The following NDUFAF6 variants were observed in gnomAD, a reference collection of about 807,000 sequenced individuals.
NDUFAF6 encodes the protein NADH:ubiquinone oxidoreductase complex assembly factor 6.
Under a neutral mutation model 40.8 loss-of-function variants are expected in NDUFAF6, and 45 were observed. That is an observed-to-expected ratio of 1.10 (90% CI 0.87 to 1.42). The LOEUF is 1.42. Among genes scored for constraint, NDUFAF6 ranks in the 40% most tolerant of loss-of-function variants. The probability of loss-of-function intolerance (pLI) is 0.00; values close to 1 mark genes in which losing one functional copy is unlikely to be tolerated. For synonymous variants in NDUFAF6, 185 were observed against 155.9 expected, an observed-to-expected ratio of 1.19 and a Z score of -1.39; for missense variants, 435 against 418.5, an observed-to-expected ratio of 1.04 and a Z score of -0.34.
At chr8:95,087,083 A>T (rs117463993) in intron 2 of NDUFAF6, among the ~76,000 whole-genome samples, 115,604 of 150,182 alleles carry the variant, frequency 0.77, 44,663 homozygotes, top group East Asian at 0.87. Flanking sequence ...TTTTTTTTAA[A>T]AAATTCTGCA....
intron 1 of NDUFAF6, chr8:94,974,842 A>G (rs1824789408): frequency 6.5e-6 from 1 of 154,140 alleles, no homozygotes; most frequent in African/African-American, 2.4e-5. Context: ...CAGGAAGTAC[A>G]TAGCCTGCCA....
chr8:95,100,851 A>G (rs1809627144), intron 1 of NDUFAF6, among the ~76,000 whole-genome samples: 2 of 152,182 alleles, frequency 1.3e-5, no homozygotes, highest in East Asian at 3.8e-4. Context: ...GGACAAACCA[A>G]AGCTCAGCAA....
upstream of NDUFAF6, among the ~76,000 whole-genome samples, chr8:95,097,254 G>A (rs1809496041): frequency 6.6e-6 from 1 of 152,224 alleles, no homozygotes; most frequent in African/African-American, 2.4e-5. Context: ...CAAATGAAAT[G>A]AGACTAAGAA....
At chr8:95,083,286 C>T (rs1808938091) in intron 2 of NDUFAF6, among the ~76,000 whole-genome samples, 1 of 152,144 alleles carries the variant, frequency 6.6e-6, no homozygotes, top group Non-Finnish European at 1.5e-5. Flanking sequence ...TCATCCATTA[C>T]ATTCTTATTT....
At chr8:94,995,893 T>C (rs1826407316) in intron 2 of NDUFAF6, among the ~76,000 whole-genome samples, 1 of 152,172 alleles carries the variant, frequency 6.6e-6, no homozygotes, top group Admixed American at 6.5e-5. Context: ...ATCTCCCGTC[T>C]CAGCCTCCCA....
chr8:94,970,253 CA>C (rs891358442), intron 1 of NDUFAF6, among the ~76,000 whole-genome samples: 2,320 of 62,854 alleles, frequency 0.037, 11 homozygotes, highest in African/African-American at 0.058. Context: ...GACTCCGTCT[CA>C]AAAAAAAAAA....
At chr8:95,069,299 A>T (rs142556424) in intron 9 of NDUFAF6, 1 of 152,046 alleles carries the variant, frequency 6.6e-6, no homozygotes, top group African/African-American at 2.4e-5. Context: ...TATCAGCAAT[A>T]TTAATCACAC....
At chr8:94,955,120 A>G (rs888350639), upstream of NDUFAF6, among the ~76,000 whole-genome samples, 2 of 152,242 alleles carry the variant, frequency 1.3e-5, no homozygotes, top group Admixed American at 6.5e-5. Context: ...TCGGAGAGAC[A>G]ATAAAGGCAG....
At chr8:94,974,064 C>T (rs998636178) in intron 1 of NDUFAF6, among the ~76,000 whole-genome samples, 23 of 152,106 alleles carry the variant, frequency 1.5e-4, no homozygotes, top group African/African-American at 5.6e-4. Flanking sequence ...CAGAAAGCCA[C>T]TCAGCCAGTC....
intron 2 of NDUFAF6, among the ~76,000 whole-genome samples, chr8:95,003,753 G>A (rs1826839041): frequency 6.6e-6 from 1 of 152,086 alleles, no homozygotes; most frequent in African/African-American, 2.4e-5. Flanking sequence ...ACACTCTCTT[G>A]CTTCCTTCCA....
chr8:95,025,808 T>G lies in NDUFAF6; in HGVS notation c.197+603T>G, dbSNP rs561628047. The stretch of plus-strand genomic sequence containing the variant: ...GCCTCATAAAGTCAGAGCCCTGAAG[T>G]GTTTTGTTTGTCGGGCGTAGTGCTG... On this transcript the variant is annotated intron_variant, in intron 1 of 8. Coordinates refer to ENST00000396124, the MANE Select transcript of NDUFAF6 (RefSeq NM_152416.4). Among the ~76,000 whole-genome samples, 18 of 152,290 alleles carry G rather than the reference T, an allele frequency of 1.2e-4. 1 individual carries two copies. In the South Asian group the frequency reaches 2.9e-3, roughly 25 times the overall value.
rs1264468362 is a variant in NDUFAF6, at chr8:95,025,101, G to A, written c.93G>A (p.Ala31=). The change falls in exon 1 of 9, where the codon GCG becomes GCA. Residue 31 remains alanine (A), a synonymous_variant. Transcript: ENST00000396124. ...CCRRPPLGLY[A]RMRRLPGPEV... ...GCCGGCCGCCTCTGGGTCTGTACGCGCGCATGCGGCGGCTGCCCGGGCCGG... is the reference window on the plus strand; with the variant it reads ...GCCGGCCGCCTCTGGGTCTGTACGCACGCATGCGGCGGCTGCCCGGGCCGG... 4.0e-6 allele frequency: 6 copies of A among 1,482,062 alleles called. No homozygotes were observed. The highest frequency in any genetic ancestry group is 2.6e-5 in the South Asian group (2 of 77,476). 91.8% of individuals were successfully genotyped at this position (1,482,062 alleles called of 1,614,324 possible). A position where few individuals can be genotyped will look rare whatever the true frequency, so the allele number is the denominator to read the frequency against.
chr8:94,949,992 C>G (rs936331495), intron 2 of NDUFAF6: 1 of 152,498 alleles, frequency 6.6e-6, no homozygotes, highest in African/African-American at 2.4e-5. Flanking sequence ...AAACCGCCAC[C>G]GAGAGCCGGC....
rs1832270494 is a variant in NDUFAF6 at position 95,057,099 on chromosome 8, T to C, written c.874-710T>C. ...GCAGAACTCTAGGGGGCGCTGCTTA[T>C]GTGGACGAGGAGGTCTCGTGCCGCT... On this transcript the variant is annotated intron_variant, in intron 8 of 8. Transcript: ENST00000396124. Among the ~76,000 whole-genome samples, 3 of 152,326 alleles carry C rather than the reference T, an allele frequency of 2.0e-5. No homozygotes were observed. The South Asian group carries it at 6.2e-4, about 32-fold the overall frequency.
At chr8:94,906,404 G>A (rs1818395262) in intron 1 of NDUFAF6, among the ~76,000 whole-genome samples, 1 of 151,986 alleles carries the variant, frequency 6.6e-6, no homozygotes, top group South Asian at 2.1e-4. Context: ...TATTTCTCCC[G>A]TCTCCCTTTC....
At chr8:95,032,304 A>G (rs2131776970) in intron 2 of NDUFAF6, among the ~76,000 whole-genome samples, 1 of 152,378 alleles carries the variant, frequency 6.6e-6, no homozygotes, top group South Asian at 2.1e-4. Flanking sequence ...TAGAAATGCC[A>G]TTCTGGAATT....
At chr8:95,072,017 C>CT (rs1470720873) in intron 9 of NDUFAF6, 31 of 152,410 alleles carry the variant, frequency 2.0e-4, no homozygotes, top group African/African-American at 7.0e-4. Context: ...TCTTCTTTAA[C>CT]TCTGCACAGA....
At chr8:94,969,465 T>C (rs1386669708) in intron 1 of NDUFAF6, among the ~76,000 whole-genome samples, 1 of 152,158 alleles carries the variant, frequency 6.6e-6, no homozygotes, top group East Asian at 1.9e-4. Context: ...GGTCAGCAGC[T>C]GGACAATATT....
At chr8:95,048,704 T>C (rs1831090742) in intron 7 of NDUFAF6, 146 bp downstream of exon 7, 2 of 707,284 alleles carry the variant, frequency 2.8e-6, no homozygotes, top group African/African-American at 3.6e-5. Flanking sequence ...TCGGAGTCTG[T>C]TGTAAACTTT....
Sources: gnomAD v4.1 joint callset for allele counts (sites outside exome capture counted in the v4.1 genomes callset) on GRCh38, gnomAD v4.1.1 for gene constraint, MANE v1.5 for transcripts, NCBI Gene and HGNC (gene_info 2026-07-23, HGNC 2026-07-21) for gene names.